CNIH3: variants seen among roughly 807,000 people sequenced by gnomAD.
CNIH3 encodes the protein cornichon family AMPA receptor auxiliary protein 3.
A neutral mutation model predicts 24.1 loss-of-function variants in CNIH3; 14 were observed. The ratio of observed to expected loss-of-function variants is 0.58; its 90% CI spans 0.38 to 0.91. The LOEUF is 0.91. CNIH3 is among the 40% of genes least tolerant of loss of function. The probability of loss-of-function intolerance (pLI) is 0.00; values close to 1 mark genes in which losing one functional copy is unlikely to be tolerated. For missense variants in CNIH3, 178 were observed against 196.8 expected, an observed-to-expected ratio of 0.90 and a Z score of 0.57; for synonymous variants, 68 against 73.8, an observed-to-expected ratio of 0.92 and a Z score of 0.40.
At chr1:224,589,339 C>G (rs1263261574), downstream of CNIH3, among the ~76,000 whole-genome samples, 1 of 152,158 alleles carries the variant, frequency 6.6e-6, no homozygotes, top group Admixed American at 6.5e-5. Flanking sequence ...CACACAGCAT[C>G]ATGTTTATAA....
At chr1:224,727,599 G>T (rs1394709267) in intron 3 of CNIH3, among the ~76,000 whole-genome samples, 1 of 152,194 alleles carries the variant, frequency 6.6e-6, no homozygotes, top group African/African-American at 2.4e-5. Context: ...CTGAGTGCTG[G>T]GTGTGAGTGG....
intron 3 of CNIH3, among the ~76,000 whole-genome samples, chr1:224,687,611 G>T (rs181142322): frequency 2.1e-4 from 32 of 152,204 alleles, no homozygotes; most frequent in Non-Finnish European, 3.8e-4. Context: ...TTAACAATTG[G>T]TTATTAGTTC....
At chr1:224,725,326 T>A (rs973702594) in intron 3 of CNIH3, among the ~76,000 whole-genome samples, 1 of 152,254 alleles carries the variant, frequency 6.6e-6, no homozygotes, top group Non-Finnish European at 1.5e-5. Flanking sequence ...CCTGTGTCCC[T>A]GGCTGGTAGG....
chr1:224,565,294 C>T (rs1446411640), intron 3 of CNIH3: 1 of 152,222 alleles, frequency 6.6e-6, no homozygotes, highest in African/African-American at 2.4e-5. Context: ...CCTGTCACAG[C>T]CATATTTCCG....
chr1:224,489,284 G>C (rs974350146), intron 1 of CNIH3, among the ~76,000 whole-genome samples: 1 of 152,156 alleles, frequency 6.6e-6, no homozygotes, highest in African/African-American at 2.4e-5. Flanking sequence ...GCATCAGCTG[G>C]ACAGTTGGTC....
chr1:224,568,176 G>A (rs1680664723), intron 4 of CNIH3, among the ~76,000 whole-genome samples: 1 of 152,082 alleles, frequency 6.6e-6, no homozygotes, highest in Non-Finnish European at 1.5e-5. Flanking sequence ...TGTTATCCCA[G>A]CTACTCTGGA....
At position 224,506,965 on chromosome 1, in the gene CNIH3, G is replaced by A. The variant is rs578074090; in HGVS notation, n.204-8776G>A. On this transcript the variant is annotated intron_variant and non_coding_transcript_variant, in intron 1 of 5. Transcript: ENST00000471578. ...GCAGCCTCAACTTCTTGGGGCTCAGGTGATCCTCCTACCTCAGCCTTCTGA... is the reference window on the plus strand; with the variant it reads ...GCAGCCTCAACTTCTTGGGGCTCAGATGATCCTCCTACCTCAGCCTTCTGA... Among the ~76,000 whole-genome samples, 8 of 152,210 alleles carry A rather than the reference G, an allele frequency of 5.3e-5. No homozygotes were observed. The East Asian group carries it at 1.2e-3, about 22-fold the overall frequency.
chr1:224,566,783 G>A (rs900828675), intron 4 of CNIH3, among the ~76,000 whole-genome samples: 2 of 152,074 alleles, frequency 1.3e-5, no homozygotes, highest in East Asian at 3.9e-4. Context: ...GGATATTTGG[G>A]TTGATTCCAA....
chr1:224,536,316 A>T (rs1572432400), intron 2 of CNIH3, among the ~76,000 whole-genome samples: 1 of 119,570 alleles, frequency 8.4e-6, no homozygotes. Context: ...TTTGAGACAG[A>T]GTTGTACTCT....
chr1:224,607,197 C>T (rs1156838076), intron 3 of CNIH3, among the ~76,000 whole-genome samples: 1 of 152,152 alleles, frequency 6.6e-6, no homozygotes, highest in African/African-American at 2.4e-5. Context: ...TTGGACCTTT[C>T]CAATGGTAAG....
chr1:224,451,979 T>C (rs1675417378), intron 1 of CNIH3, among the ~76,000 whole-genome samples: 1 of 152,190 alleles, frequency 6.6e-6, no homozygotes, highest in Non-Finnish European at 1.5e-5. Flanking sequence ...ATACAGGTTA[T>C]GTGCTTTTCA....
intron 3 of CNIH3, among the ~76,000 whole-genome samples, chr1:224,707,298 T>A (rs1159596787): frequency 6.6e-6 from 1 of 152,134 alleles, no homozygotes; most frequent in East Asian, 1.9e-4. Context: ...TTCATTTTAA[T>A]CAAAGTTTAA....
intron 1 of CNIH3, among the ~76,000 whole-genome samples, chr1:224,633,094 G>C (rs530293056): frequency 5.3e-5 from 8 of 152,248 alleles, no homozygotes; most frequent in African/African-American, 1.4e-4. Flanking sequence ...GTCGTGGTTT[G>C]TCTCTTGATA....
At chr1:224,583,467 C>T (rs576443568) in intron 5 of CNIH3, among the ~76,000 whole-genome samples, 2 of 152,274 alleles carry the variant, frequency 1.3e-5, no homozygotes, top group African/African-American at 4.8e-5. Flanking sequence ...AGGTAAGAGA[C>T]ACCCATCAAC....
At chr1:224,454,061 A>C (rs1675542209) in intron 1 of CNIH3, among the ~76,000 whole-genome samples, 1 of 152,206 alleles carries the variant, frequency 6.6e-6, no homozygotes, top group African/African-American at 2.4e-5. Context: ...ATTAGAACTG[A>C]GGTTTCCTCT....
chr1:224,649,509 T>A (rs1353862349), intron 1 of CNIH3, among the ~76,000 whole-genome samples: 1 of 152,236 alleles, frequency 6.6e-6, no homozygotes, highest in Non-Finnish European at 1.5e-5. Context: ...AATACTATAA[T>A]GTATACCTAA....
intron 1 of CNIH3, among the ~76,000 whole-genome samples, chr1:224,639,528 C>T (rs1684253950): frequency 6.6e-6 from 1 of 152,202 alleles, no homozygotes; most frequent in Non-Finnish European, 1.5e-5. Flanking sequence ...AAAACAATAG[C>T]CAAGGAAATT....
chr1:224,685,130 T>A (rs760458926), intron 3 of CNIH3, among the ~76,000 whole-genome samples: 21 of 152,228 alleles, frequency 1.4e-4, no homozygotes, highest in Non-Finnish European at 2.8e-4. Context: ...TGCATGATGA[T>A]GGATGGCATT....
chr1:224,575,323 C>G (rs1007406376), intron 4 of CNIH3: 1 of 1,024,162 alleles, frequency 9.8e-7, no homozygotes, highest in Non-Finnish European at 1.5e-6. Context: ...TACAACAGAA[C>G]TGGAGGGTCT....
Sources: gnomAD v4.1 joint callset for allele counts (sites outside exome capture counted in the v4.1 genomes callset) on GRCh38, gnomAD v4.1.1 for gene constraint, MANE v1.5 for transcripts, NCBI Gene and HGNC (gene_info 2026-07-23, HGNC 2026-07-21) for gene names.